Variants in SDSL observed in about 807,000 individuals in gnomAD.
SDSL encodes the protein serine dehydratase like.
Under a neutral mutation model 27.6 loss-of-function variants are expected in SDSL, and 26 were observed. The ratio of observed to expected loss-of-function variants is 0.94; its 90% CI spans 0.69 to 1.31. The LOEUF (loss-of-function observed/expected upper bound fraction) is 1.31. Among genes scored for constraint, SDSL ranks in the 50% most tolerant of loss-of-function variants. SDSL has a pLI of 0.00. For missense variants in SDSL, 431 were observed against 423.5 expected (o/e 1.02, Z -0.16); for synonymous variants, 196 against 180.6 (o/e 1.09, Z -0.69).
At chr12:113,424,967 C>A (rs764041244) in intron 1 of SDSL, among the ~76,000 whole-genome samples, 6 of 152,114 alleles carry the variant, frequency 3.9e-5, no homozygotes, top group Non-Finnish European at 8.8e-5. Flanking sequence ...AACTCCTGAC[C>A]TCAAGGGATC....
chr12:113,428,574 A>G (rs1957879533), intron 3 of SDSL, 115 bp downstream of exon 3: 5 of 789,044 alleles, frequency 6.3e-6, no homozygotes, highest in Admixed American at 2.8e-5. Flanking sequence ...CATCAAGGTC[A>G]TTGATGAGAT....
intron 1 of SDSL, chr12:113,422,818 G>A (rs916388609): frequency 4.6e-5 from 7 of 152,328 alleles, no homozygotes; most frequent in African/African-American, 1.7e-4. Flanking sequence ...GTGGCCTCTG[G>A]GGAAAGGCTT....
At chr12:113,436,349 C>T (rs1162723708) in intron 6 of SDSL, among the ~76,000 whole-genome samples, 3 of 151,088 alleles carry the variant, frequency 2.0e-5, no homozygotes, top group South Asian at 4.2e-4. Context: ...AGTGCAATGG[C>T]GCGATCTCAG....
rs1308553269 is a variant in SDSL, at chr12:113,422,395, CG to C, written c.-102del. ...GAAGCTGCCTGAAGCTGGACAGAGCCGGTTCCTGGAAAGAGCTGGTTCCCTG... is the reference window on the plus strand; with the variant it reads ...GAAGCTGCCTGAAGCTGGACAGAGCCGTTCCTGGAAAGAGCTGGTTCCCTG... On this transcript the variant is annotated 5_prime_UTR_variant, in exon 1 of 8. Transcript: ENST00000403593. 6.5e-6 allele frequency: 1 copy of C among 153,508 alleles called. No homozygotes were observed. Among genetic ancestry groups the C allele is most frequent in the Non-Finnish European group, 1.4e-5 (1 of 69,140 alleles). 9.5% of individuals were successfully genotyped at this position (153,508 alleles called of 1,614,324 possible).
chr12:113,430,095 T>C (rs989810519), intron 4 of SDSL, among the ~76,000 whole-genome samples: 28 of 151,752 alleles, frequency 1.8e-4, no homozygotes, highest in African/African-American at 6.8e-4. Flanking sequence ...CATCACCCTT[T>C]CTCTCTCCTC....
chr12:113,429,139 C>A, intron 3 of SDSL, 21 bp from the exon 4 acceptor site: 1 of 1,605,018 alleles, frequency 6.2e-7, no homozygotes, highest in Non-Finnish European at 8.5e-7. Context: ...GCCCACTGCC[C>A]CTTTCCTCCT....
chr12:113,432,293 TCTC>T, intron 4 of SDSL, among the ~76,000 whole-genome samples: 2 of 145,992 alleles, frequency 1.4e-5, no homozygotes, highest in Admixed American at 6.9e-5. Context: ...TCTTTCTTTC[TCTC>T]TCTCTCTTTC....
chr12:113,435,920 C>A (rs914919530), intron 6 of SDSL, among the ~76,000 whole-genome samples: 1 of 152,138 alleles, frequency 6.6e-6, no homozygotes, highest in Non-Finnish European at 1.5e-5. Flanking sequence ...AGTTTGAGAC[C>A]GGCCTGGCCA....
chr12:113,430,775 A>ATAAC (rs1957912388), intron 4 of SDSL, among the ~76,000 whole-genome samples: 1 of 152,210 alleles, frequency 6.6e-6, no homozygotes, highest in Non-Finnish European at 1.5e-5. Flanking sequence ...AAATAAATAA[A>ATAAC]TAGATAAAAA....
chr12:113,425,578 A>G (rs979689708), intron 1 of SDSL: 6 of 442,134 alleles, frequency 1.4e-5, no homozygotes, highest in African/African-American at 6.1e-5. Context: ...GCCTGGGACA[A>G]GAGGAGCTGG....
intron 1 of SDSL, among the ~76,000 whole-genome samples, chr12:113,423,832 C>A (rs1957818082): frequency 6.6e-6 from 1 of 152,092 alleles, no homozygotes; most frequent in Admixed American, 6.5e-5. Context: ...GGGGAAAAAT[C>A]TGGGGATTTC....
intron 1 of SDSL, chr12:113,425,852 G>A (rs1402164721): frequency 5.0e-6 from 2 of 396,210 alleles, no homozygotes; most frequent in Non-Finnish European, 1.0e-5. Flanking sequence ...AATCAGGCGT[G>A]GTGACGTGTG....
rs1044996890 is a variant in SDSL at position 113,435,514 on chromosome 12, C to T, written c.629C>T (p.Ala210Val). The change falls in exon 6 of 8, where the codon GCC becomes GTC. Residue 210 changes from alanine to valine, a missense_variant. Coordinates refer to ENST00000403593, the MANE Select transcript of SDSL (RefSeq NM_001304993.2). ...ETHGAHCFNA[A>V]ITAGKLVTLP... ...CATGGGGCACACTGCTTCAATGCGG[C>T]CATCACAGCCGGCAAGCTGGTCACA... The T allele has an allele frequency of 4.3e-6, 7 of 1,613,870 alleles. No homozygotes were observed. The highest frequency in any genetic ancestry group is 2.7e-5 in the African/African-American group (2 of 74,922).
intron 4 of SDSL, among the ~76,000 whole-genome samples, chr12:113,431,770 G>A (rs1446444755): frequency 2.1e-5 from 3 of 139,560 alleles, no homozygotes; most frequent in African/African-American, 5.4e-5. Context: ...GACGAGTCTC[G>A]CTCTGTTGCC....
chr12:113,432,697 G>C lies in SDSL; in HGVS notation c.355-1437G>C, dbSNP rs950790452. Among the ~76,000 whole-genome samples the C allele has an allele frequency of 2.6e-5, 4 of 152,280 alleles. No homozygotes were observed. In the East Asian group the frequency reaches 7.7e-4, roughly 29 times the overall value. On this transcript the variant is annotated intron_variant, in intron 4 of 7. Coordinates refer to ENST00000403593, the MANE Select transcript of SDSL (RefSeq NM_001304993.2). ...TCTCTCCCCACTTTTGGAGTCCCCA[G>C]TGTCTCTCGTTCCCATCTTTGTGCC...
intron 4 of SDSL, among the ~76,000 whole-genome samples, chr12:113,433,147 G>C (rs901578347): frequency 3.9e-5 from 6 of 152,104 alleles, no homozygotes; most frequent in African/African-American, 1.4e-4. Context: ...TGTATTTTTT[G>C]TTTCAGTAAC....
chr12:113,437,008 G>A (rs1958005195), intron 7 of SDSL, 133 bp downstream of exon 7: 1 of 875,768 alleles, frequency 1.1e-6, no homozygotes, highest in Admixed American at 3.8e-5. Flanking sequence ...TGTGCACTAA[G>A]TGCACGTCGA....
At chr12:113,424,092 C>T (rs1430693773) in intron 1 of SDSL, among the ~76,000 whole-genome samples, 1 of 152,126 alleles carries the variant, frequency 6.6e-6, no homozygotes, top group African/African-American at 2.4e-5. Context: ...ACTGCAACCT[C>T]GCCTCACCGC....
chr12:113,430,141 C>CCATCCAT (rs1565878386), intron 4 of SDSL, among the ~76,000 whole-genome samples: 6 of 126,018 alleles, frequency 4.8e-5, no homozygotes, highest in African/African-American at 2.0e-4. Context: ...CATCCATCCA[C>CCATCCAT]CCATCCATCC....
Sources: allele counts gnomAD v4.1 joint callset (sites outside exome capture counted in the v4.1 genomes callset), GRCh38; gene constraint gnomAD v4.1.1; transcripts MANE v1.5; gene names NCBI Gene and HGNC (gene_info 2026-07-23, HGNC 2026-07-21).